Variants in TUSC3 observed in about 807,000 individuals in gnomAD.
TUSC3 encodes dolichyl-diphosphooligosaccharide--protein glycosyltransferase subunit TUSC3.
In TUSC3, 45 loss-of-function variants were observed where a neutral mutation model predicts 44.8. The observed-to-expected ratio is 1.00, with a 90% CI of 0.79 to 1.29. TUSC3 has a LOEUF of 1.29. TUSC3 is among the 50% of genes most tolerant of loss of function. TUSC3 has a pLI of 0.00. For missense variants in TUSC3, 519 were observed against 437.9 expected (o/e 1.19, Z -1.65); for synonymous variants, 212 against 152.9 (o/e 1.39, Z -2.85).
chr8:15,642,632 G>T (rs1257832234), intron 2 of TUSC3, among the ~76,000 whole-genome samples: 2 of 152,100 alleles, frequency 1.3e-5, no homozygotes, highest in Non-Finnish European at 2.9e-5. Flanking sequence ...GGGAAATCCT[G>T]CAGGATTTAA....
At chr8:15,439,139 A>G (rs1260407399) in intron 1 of TUSC3, among the ~76,000 whole-genome samples, 1 of 152,164 alleles carries the variant, frequency 6.6e-6, no homozygotes, top group Admixed American at 6.5e-5. Context: ...AGAAGGGCTG[A>G]CCTTCACCCA....
chr8:15,608,548 C>T (rs981664486), intron 1 of TUSC3, among the ~76,000 whole-genome samples: 1 of 152,112 alleles, frequency 6.6e-6, no homozygotes, highest in Admixed American at 6.6e-5. Context: ...CCATCCAAAT[C>T]TCATCTTCAT....
At chr8:15,733,864 G>T (rs752393692) in intron 7 of TUSC3, among the ~76,000 whole-genome samples, 86 of 152,122 alleles carry the variant, frequency 5.7e-4, no homozygotes, top group Non-Finnish European at 2.6e-4. Flanking sequence ...CAACAGTAGG[G>T]GGAATCCTGT....
chr8:15,456,806 C>G (rs796403089), intron 1 of TUSC3, among the ~76,000 whole-genome samples: 1 of 151,966 alleles, frequency 6.6e-6, no homozygotes, highest in Non-Finnish European at 1.5e-5. Context: ...AAAAACTCAA[C>G]GACAACTTGA....
the TUSC3 span, among the ~76,000 whole-genome samples, chr8:15,811,439 C>A: frequency 4.5e-3 from 682 of 152,200 alleles, 10 homozygotes; most frequent in African/African-American, 0.016. Flanking sequence ...GGGTCAAGCC[C>A]GGGGGTAGTT....
intron 7 of TUSC3, among the ~76,000 whole-genome samples, chr8:15,735,015 G>T (rs78417327): frequency 2.0e-5 from 3 of 152,138 alleles, no homozygotes; most frequent in African/African-American, 7.2e-5. Flanking sequence ...GGTAACTTAC[G>T]AATTCTTTTT....
the TUSC3 span, among the ~76,000 whole-genome samples, chr8:15,774,684 C>G: frequency 3.3e-5 from 5 of 152,264 alleles, no homozygotes; most frequent in East Asian, 7.7e-4. Context: ...CTTGAGTAAA[C>G]ATCAGAGTAA....
rs117300374 is a variant in TUSC3 at position 15,754,933 on chromosome 8, C to T, written c.1029-2858C>T. Among the ~76,000 whole-genome samples the T allele has an allele frequency of 3.0e-3, 460 of 152,122 alleles. 18 individuals are homozygous for T. In the East Asian group the frequency reaches 0.061, roughly 20 times the overall value. ...TTACAAAACCTTAAACATCTATGCC[C>T]TTCATCATATTTTTTCAGTACTTCA... On this transcript the variant is annotated intron_variant, in intron 9 of 10. Transcript: ENST00000503731.
intron 1 of TUSC3, among the ~76,000 whole-genome samples, chr8:15,476,721 T>C (rs1332086769): frequency 6.6e-6 from 1 of 152,168 alleles, no homozygotes; most frequent in African/African-American, 2.4e-5. Context: ...GGCCCGAGCA[T>C]AGGGGCTCAA....
intron 1 of TUSC3, among the ~76,000 whole-genome samples, chr8:15,463,899 A>G (rs1800381039): frequency 6.6e-6 from 1 of 152,176 alleles, no homozygotes; most frequent in Non-Finnish European, 1.5e-5. Context: ...TCCTTCCCAT[A>G]GAGGTTTACT....
At chr8:15,439,941 A>C (rs899619757) in intron 1 of TUSC3, among the ~76,000 whole-genome samples, 4 of 152,208 alleles carry the variant, frequency 2.6e-5, no homozygotes, top group Non-Finnish European at 5.9e-5. Flanking sequence ...TACTAGTTAA[A>C]TTATTTCATC....
chr8:15,670,475 A>G (rs354517), intron 5 of TUSC3, among the ~76,000 whole-genome samples: 40,724 of 151,602 alleles, frequency 0.27, 6,203 homozygotes, highest in Non-Finnish European at 0.34. Flanking sequence ...AATATTGCCG[A>G]GCCAACTGGA....
At chr8:15,694,742 TG>T (rs1198309825) in intron 6 of TUSC3, among the ~76,000 whole-genome samples, 2 of 152,152 alleles carry the variant, frequency 1.3e-5, no homozygotes, top group South Asian at 4.1e-4. Flanking sequence ...GCCCTAACTC[TG>T]GGGGGCTGGT....
chr8:15,798,129 T>A, the TUSC3 span, among the ~76,000 whole-genome samples: 61 of 152,330 alleles, frequency 4.0e-4, no homozygotes, highest in African/African-American at 1.4e-3. Context: ...GTCAAAAACA[T>A]TGCCTCTGGC....
intron 1 of TUSC3, among the ~76,000 whole-genome samples, chr8:15,478,898 A>G (rs904772578): frequency 6.6e-6 from 1 of 152,152 alleles, no homozygotes; most frequent in Non-Finnish European, 1.5e-5. Context: ...ATTCCCACCG[A>G]TAGTGTAAAA....
chr8:15,540,576 G>C lies in TUSC3; in HGVS notation c.138+8G>C. On this transcript the variant is annotated splice_region_variant and intron_variant, in intron 1 of 10. Coordinates refer to ENST00000503731, the MANE Select transcript of TUSC3 (RefSeq NM_006765.4). Reference sequence around the variant, plus strand: ...GGACAGAAGAAAAAGGAGGTAGAATGGATCCCCTTGGCCTTCCCCTGTGGG... The same window carrying C: ...GGACAGAAGAAAAAGGAGGTAGAATCGATCCCCTTGGCCTTCCCCTGTGGG... 6.4e-7 allele frequency: 1 copy of C among 1,574,536 alleles called. No homozygotes were observed. The highest frequency in any genetic ancestry group is 8.6e-7 in the Non-Finnish European group (1 of 1,160,266).
At chr8:15,696,179 C>A (rs564911552) in intron 6 of TUSC3, among the ~76,000 whole-genome samples, 1 of 152,134 alleles carries the variant, frequency 6.6e-6, no homozygotes, top group Admixed American at 6.5e-5. Context: ...AAAATAGTTT[C>A]GTGGGCTGGG....
At chr8:15,780,834 A>T in the TUSC3 span, among the ~76,000 whole-genome samples, 1 of 152,170 alleles carries the variant, frequency 6.6e-6, no homozygotes, top group Admixed American at 6.5e-5. Context: ...GAGCAGGGGA[A>T]ACTGAGAATA....
At position 15,584,187 on chromosome 8, in the gene TUSC3, G is replaced by A. The variant is rs6992227; in HGVS notation, c.139-38893G>A. On this transcript the variant is annotated intron_variant, in intron 1 of 10. Coordinates refer to ENST00000503731, the MANE Select transcript of TUSC3 (RefSeq NM_006765.4). The stretch of plus-strand genomic sequence containing the variant: ...GTCAACGTCATAAAAGTATTTTTAT[G>A]GTTAATTTGAGTAATTAGAGAACCA... Among the ~76,000 whole-genome samples, 1,418 of 152,274 alleles carry A rather than the reference G, an allele frequency of 9.3e-3. 22 individuals carry two copies. The highest frequency in any genetic ancestry group is 0.033 in the African/African-American group (1,360 of 41,558).
Sources: gnomAD v4.1 joint callset for allele counts (sites outside exome capture counted in the v4.1 genomes callset) on GRCh38, gnomAD v4.1.1 for gene constraint, MANE v1.5 for transcripts, NCBI Gene and HGNC (gene_info 2026-07-23, HGNC 2026-07-21) for gene names.